The following PCP4 variants were observed in gnomAD, a reference collection of about 807,000 sequenced individuals.
PCP4 encodes calmodulin regulator protein PCP4.
In PCP4, 8 loss-of-function variants were observed where a neutral mutation model predicts 10.0. The ratio of observed to expected loss-of-function variants is 0.80; its 90% CI spans 0.47 to 1.45. The LOEUF (loss-of-function observed/expected upper bound fraction) is 1.45, where lower values mean the gene tolerates loss of function less well. Among genes scored for constraint, PCP4 ranks in the 40% most tolerant of loss-of-function variants. PCP4 has a pLI of 0.00. For missense variants in PCP4, 54 were observed against 74.4 expected (o/e 0.73, Z 1.01); for synonymous variants, 21 against 23.0 (o/e 0.91, Z 0.24).
chr21:39,911,551 C>G (rs537772726), intron 2 of PCP4, among the ~76,000 whole-genome samples: 24 of 152,288 alleles, frequency 1.6e-4, no homozygotes, highest in Admixed American at 1.2e-3. Flanking sequence ...AGAAGGTAGC[C>G]AACATTCTTT....
chr21:39,888,633 G>A (rs1034012575), intron 1 of PCP4, among the ~76,000 whole-genome samples: 2 of 152,174 alleles, frequency 1.3e-5, no homozygotes, highest in Non-Finnish European at 2.9e-5. Context: ...CGCTGCCCCC[G>A]ATGTCAATCA....
chr21:39,898,473 T>C lies in PCP4; in HGVS notation c.10-3T>C, dbSNP rs749338940. The C allele has an allele frequency of 2.5e-6, 4 of 1,613,686 alleles. No homozygotes were observed. The highest frequency in any genetic ancestry group is 4.5e-5 in the East Asian group (2 of 44,892). On this transcript the variant is annotated splice_polypyrimidine_tract_variant and splice_region_variant and intron_variant, in intron 1 of 2. Transcript: ENST00000328619. The stretch of plus-strand genomic sequence containing the variant: ...GCTTTTTTCTTTTATTTTTTGCCTT[T>C]AGCGACAAGGTGCTGGGGCAACCAA...
chr21:39,901,194 G>A (rs2087480890), intron 2 of PCP4, among the ~76,000 whole-genome samples: 1 of 152,142 alleles, frequency 6.6e-6, no homozygotes, highest in Non-Finnish European at 1.5e-5. Context: ...ATTTAAAAGA[G>A]CAAATAATAT....
intron 2 of PCP4, among the ~76,000 whole-genome samples, chr21:39,908,735 T>C (rs1310091007): frequency 6.6e-6 from 1 of 151,724 alleles, no homozygotes; most frequent in African/African-American, 2.4e-5. Flanking sequence ...GAGGCTGGAG[T>C]AGCTGCTACT....
chr21:39,880,411 C>T (rs138026888), intron 1 of PCP4, among the ~76,000 whole-genome samples: 1 of 152,226 alleles, frequency 6.6e-6, no homozygotes, highest in African/African-American at 2.4e-5. Context: ...AAAATGGATT[C>T]AAAATCACTT....
At chr21:39,903,607 G>A (rs957648168) in intron 2 of PCP4, among the ~76,000 whole-genome samples, 1 of 152,100 alleles carries the variant, frequency 6.6e-6, no homozygotes, top group East Asian at 1.9e-4. Flanking sequence ...GGTGGCTCAC[G>A]CCTGTAATCC....
intron 1 of PCP4, among the ~76,000 whole-genome samples, chr21:39,891,255 C>T (rs2087429571): frequency 6.6e-6 from 1 of 152,192 alleles, no homozygotes; most frequent in African/African-American, 2.4e-5. Context: ...TCTCTGAGGA[C>T]CCCCGTGGGT....
intron 1 of PCP4, among the ~76,000 whole-genome samples, chr21:39,895,294 T>C (rs898911760): frequency 1.1e-4 from 16 of 152,262 alleles, no homozygotes; most frequent in Non-Finnish European, 1.9e-4. Flanking sequence ...TGGGTGCTTA[T>C]GTTATTTAAA....
chr21:39,887,104 C>T (rs1235553284), intron 1 of PCP4, among the ~76,000 whole-genome samples: 2 of 151,972 alleles, frequency 1.3e-5, no homozygotes, highest in Non-Finnish European at 2.9e-5. Flanking sequence ...TAAAATAAAT[C>T]GTGGATACCT....
chr21:39,907,007 G>T (rs1358825881), intron 2 of PCP4, among the ~76,000 whole-genome samples: 1 of 152,126 alleles, frequency 6.6e-6, no homozygotes, highest in African/African-American at 2.4e-5. Context: ...TGCACAGCAG[G>T]CAGTTTTTCA....
chr21:39,895,467 G>A (rs186882728), intron 1 of PCP4, among the ~76,000 whole-genome samples: 4 of 152,250 alleles, frequency 2.6e-5, no homozygotes, highest in East Asian at 1.9e-4. Flanking sequence ...CTCCCCACCC[G>A]CTGATAGAGG....
chr21:39,894,460 G>A (rs2087447887), intron 1 of PCP4, among the ~76,000 whole-genome samples: 1 of 152,160 alleles, frequency 6.6e-6, no homozygotes, highest in African/African-American at 2.4e-5. Flanking sequence ...AATTCTAATA[G>A]CATATTTTCT....
intron 1 of PCP4, among the ~76,000 whole-genome samples, chr21:39,869,824 A>G (rs899011868): frequency 2.0e-5 from 3 of 152,240 alleles, no homozygotes; most frequent in Non-Finnish European, 4.4e-5. Flanking sequence ...CCTAGTTTTA[A>G]TAACTCTCAG....
chr21:39,874,849 A>G (rs34361952), intron 1 of PCP4, among the ~76,000 whole-genome samples: 32,951 of 152,048 alleles, frequency 0.22, 4,019 homozygotes, highest in African/African-American at 0.33. Context: ...CGAATCCTAC[A>G]CATGCTATGC....
At chr21:39,884,461 G>A (rs902436429) in intron 1 of PCP4, among the ~76,000 whole-genome samples, 2 of 151,898 alleles carry the variant, frequency 1.3e-5, no homozygotes, top group Non-Finnish European at 2.9e-5. Flanking sequence ...TTACAGGAGT[G>A]AGCCAACGCA....
intron 1 of PCP4, among the ~76,000 whole-genome samples, chr21:39,894,584 C>T (rs1016465344): frequency 6.6e-6 from 1 of 152,184 alleles, no homozygotes; most frequent in Non-Finnish European, 1.5e-5. Flanking sequence ...CTGAATGACA[C>T]ATTGGTGGTA....
chr21:39,928,859 G>A (rs1430919050), intron 2 of PCP4, 125 bp from the exon 3 acceptor site: 3 of 831,550 alleles, frequency 3.6e-6, no homozygotes, highest in East Asian at 2.5e-5. Flanking sequence ...CTTGTCCTGG[G>A]GTGTAAGTTA....
intron 2 of PCP4, 60 bp downstream of exon 2, chr21:39,898,587 C>T: frequency 7.6e-7 from 1 of 1,323,944 alleles, no homozygotes. Flanking sequence ...CCTGGGTATG[C>T]AGCAGGTGCG....
intron 2 of PCP4, among the ~76,000 whole-genome samples, chr21:39,927,286 CTAT>C (rs2087626582): frequency 9.4e-6 from 1 of 106,244 alleles, no homozygotes; most frequent in Non-Finnish European, 2.1e-5. Context: ...TCTGATCTAT[CTAT>C]CTATCTATCT....
Sources: allele counts gnomAD v4.1 joint callset (sites outside exome capture counted in the v4.1 genomes callset), GRCh38; gene constraint gnomAD v4.1.1; transcripts MANE v1.5; gene names NCBI Gene and HGNC (gene_info 2026-07-23, HGNC 2026-07-21).